The following NPR3 variants were observed in gnomAD, a reference collection of about 807,000 sequenced individuals.
NPR3 encodes the protein natriuretic peptide receptor 3.
In NPR3, 34 loss-of-function variants were observed where a neutral mutation model predicts 54.5. That is an observed-to-expected ratio of 0.62 (90% CI 0.47 to 0.83). The LOEUF is 0.83. Ranked by LOEUF, NPR3 falls within the 40% of genes least tolerant of loss-of-function variation. The probability of loss-of-function intolerance (pLI) is 0.00; values close to 1 mark genes in which losing one functional copy is unlikely to be tolerated. For missense variants in NPR3, 674 were observed against 720.8 expected (o/e 0.94, Z 0.74); for synonymous variants, 289 against 297.1 (o/e 0.97, Z 0.28).
chr5:32,785,405 C>A (rs1579715982), intron 7 of NPR3, among the ~76,000 whole-genome samples: 1 of 152,192 alleles, frequency 6.6e-6, no homozygotes, highest in East Asian at 1.9e-4. Flanking sequence ...TCTACCTCGA[C>A]CTCCCAAAGT....
intron 3 of NPR3, among the ~76,000 whole-genome samples, chr5:32,756,528 A>G (rs1268045687): frequency 6.6e-6 from 1 of 152,148 alleles, no homozygotes; most frequent in East Asian, 1.9e-4. Context: ...AGTAGATTGC[A>G]AAAATTTTCT....
chr5:32,721,255 A>G (rs902798675), intron 1 of NPR3, among the ~76,000 whole-genome samples: 5 of 152,238 alleles, frequency 3.3e-5, no homozygotes, highest in Non-Finnish European at 5.9e-5. Context: ...TGAATCTTAA[A>G]TCACATGGCC....
At chr5:32,758,984 T>G (rs1223039546) in intron 3 of NPR3, among the ~76,000 whole-genome samples, 1 of 152,236 alleles carries the variant, frequency 6.6e-6, no homozygotes, top group Non-Finnish European at 1.5e-5. Flanking sequence ...TGTTATAATT[T>G]CTGTTCTTTT....
intron 2 of NPR3, among the ~76,000 whole-genome samples, chr5:32,727,600 G>A (rs1244683879): frequency 6.6e-6 from 1 of 151,910 alleles, no homozygotes; most frequent in African/African-American, 2.4e-5. Context: ...TTTATATTGT[G>A]CATTATTCTT....
At chr5:32,697,592 A>C (rs1415368796) in intron 1 of NPR3, among the ~76,000 whole-genome samples, 4 of 152,060 alleles carry the variant, frequency 2.6e-5, no homozygotes, top group Non-Finnish European at 4.4e-5. Flanking sequence ...AATGTTTGGT[A>C]AAATCCAGCA....
At chr5:32,721,001 C>A (rs1028402473) in intron 1 of NPR3, among the ~76,000 whole-genome samples, 1 of 152,052 alleles carries the variant, frequency 6.6e-6, no homozygotes, top group Non-Finnish European at 1.5e-5. Flanking sequence ...TGTTCTAAAC[C>A]TTTTGATTGT....
intron 1 of NPR3, among the ~76,000 whole-genome samples, chr5:32,715,994 A>C (rs1463475895): frequency 6.6e-6 from 1 of 152,198 alleles, no homozygotes. Flanking sequence ...ATTTTTAAGG[A>C]AAGAACCCAT....
chr5:32,733,002 G>A (rs1484550861), intron 2 of NPR3, among the ~76,000 whole-genome samples: 3 of 151,886 alleles, frequency 2.0e-5, no homozygotes, highest in Non-Finnish European at 2.9e-5. Flanking sequence ...GTGCCACCAC[G>A]CCGGCTTAAT....
chr5:32,761,468 T>C (rs1428522478), intron 3 of NPR3, among the ~76,000 whole-genome samples: 1 of 152,254 alleles, frequency 6.6e-6, no homozygotes, highest in East Asian at 1.9e-4. Context: ...TTTCCAATTG[T>C]TCATTGCTAG....
At chr5:32,771,309 G>C (rs1425182487) in intron 3 of NPR3, among the ~76,000 whole-genome samples, 1 of 152,196 alleles carries the variant, frequency 6.6e-6, no homozygotes, top group Non-Finnish European at 1.5e-5. Context: ...TGGCAGGAGA[G>C]GGAGACACTC....
intron 3 of NPR3, among the ~76,000 whole-genome samples, chr5:32,767,249 C>G (rs1401422871): frequency 6.6e-6 from 1 of 152,202 alleles, no homozygotes; most frequent in Non-Finnish European, 1.5e-5. Flanking sequence ...CTGGGCAAGC[C>G]AGCTTTAGAC....
intron 3 of NPR3, among the ~76,000 whole-genome samples, chr5:32,768,873 C>A (rs754522182): frequency 6.6e-6 from 1 of 152,122 alleles, no homozygotes; most frequent in Non-Finnish European, 1.5e-5. Flanking sequence ...AGAAGTATGC[C>A]AGAGGGTTCA....
chr5:32,774,178 G>A (rs779943318), intron 3 of NPR3, among the ~76,000 whole-genome samples: 3 of 152,200 alleles, frequency 2.0e-5, no homozygotes, highest in Non-Finnish European at 2.9e-5. Flanking sequence ...ATGCTAGGCA[G>A]ACAGGCAGAA....
rs1390694572 is a variant in NPR3 at position 32,789,646 on chromosome 5, T to A, written c.*3301T>A. 3.7e-6 allele frequency: 2 copies of A among 534,626 alleles called. No individual in the cohort carries two copies. The highest frequency in any genetic ancestry group is 7.7e-6 in the Non-Finnish European group (2 of 260,102). 33.1% of individuals were successfully genotyped at this position (534,626 alleles called of 1,614,324 possible). A position where few individuals can be genotyped will look rare whatever the true frequency, so the allele number is the denominator to read the frequency against. On this transcript the variant is annotated 3_prime_UTR_variant, in exon 8 of 8. Transcript: ENST00000265074. ...ATTCACAGGCTTCTAAAATCATTAA[T>A]TTACTCAAGGCACATGTGCCTTCTT...
In NPR3 at chr5:32,766,084, C is replaced by T. The variant is rs539320157; in HGVS notation, c.1060-8624C>T. Among the ~76,000 whole-genome samples, 19 of 152,312 alleles carry T rather than the reference C, an allele frequency of 1.2e-4. No homozygotes were observed. The East Asian group carries it at 2.9e-3, about 23-fold the overall frequency. On this transcript the variant is annotated intron_variant, in intron 3 of 7. Transcript: ENST00000265074. ...CCCTCTCACCTCCTGCTAATCCAAC[C>T]GGAAGCCAGAGGATGGCGGGGGTGC...
chr5:32,764,882 A>G (rs1412864762), intron 3 of NPR3, among the ~76,000 whole-genome samples: 1 of 151,640 alleles, frequency 6.6e-6, no homozygotes, highest in African/African-American at 2.4e-5. Flanking sequence ...TGCCACCACT[A>G]CTGGAATGCT....
chr5:32,762,630 T>C (rs1741237570), intron 3 of NPR3, among the ~76,000 whole-genome samples: 2 of 152,130 alleles, frequency 1.3e-5, no homozygotes, highest in Admixed American at 6.6e-5. Flanking sequence ...CATATCCTTC[T>C]GTTTTTAAGT....
intron 2 of NPR3, among the ~76,000 whole-genome samples, chr5:32,728,191 G>A (rs188431165): frequency 2.6e-5 from 4 of 152,248 alleles, no homozygotes; most frequent in East Asian, 1.9e-4. Flanking sequence ...GCTGGACTGC[G>A]GTGGCTCATG....
At chr5:32,717,108 G>T (rs1738600033) in intron 1 of NPR3, among the ~76,000 whole-genome samples, 1 of 147,868 alleles carries the variant, frequency 6.8e-6, no homozygotes, top group Admixed American at 7.1e-5. Context: ...GTGGTTTTTG[G>T]TTTTCTGTCC....
Sources: allele counts gnomAD v4.1 joint callset (sites outside exome capture counted in the v4.1 genomes callset), GRCh38; gene constraint gnomAD v4.1.1; transcripts MANE v1.5; gene names NCBI Gene and HGNC (gene_info 2026-07-23, HGNC 2026-07-21).